The following PDE5A variants were observed in gnomAD, a reference collection of about 807,000 sequenced individuals.
PDE5A encodes cGMP-specific 3',5'-cyclic phosphodiesterase.
Under a neutral mutation model 110.2 loss-of-function variants are expected in PDE5A, and 67 were observed. The observed-to-expected ratio is 0.61, with a 90% confidence interval of 0.50 to 0.75. The LOEUF is 0.75. Ranked by LOEUF, PDE5A falls within the 30% of genes least tolerant of loss-of-function variation. The pLI is 0.00. For synonymous variants in PDE5A, 328 were observed against 351.2 expected (o/e 0.93, Z 0.74); for missense variants, 862 against 1,045.1 (o/e 0.82, Z 2.42).
In PDE5A at chr4:119,571,781, G is replaced by A. The variant is rs375445083; in HGVS notation, c.832-4637C>T. Among the ~76,000 whole-genome samples, 39 of 151,984 alleles carry A rather than the reference G, an allele frequency of 2.6e-4. No individual in the cohort carries two copies. The South Asian group carries it at 8.1e-3, about 32-fold the overall frequency. On this transcript the variant is annotated intron_variant, in intron 3 of 20. Coordinates refer to ENST00000354960, the MANE Select transcript of PDE5A (RefSeq NM_001083.4). ...CTCCTCACCTCATTTTATCTCTTCTGTTTCACTATGTAAATCCTCACTGTC... is the reference window on the plus strand; with the variant it reads ...CTCCTCACCTCATTTTATCTCTTCTATTTCACTATGTAAATCCTCACTGTC...
At chr4:119,590,143 A>G (rs1578805391) in intron 3 of PDE5A, among the ~76,000 whole-genome samples, 2 of 152,112 alleles carry the variant, frequency 1.3e-5, no homozygotes, top group South Asian at 2.1e-4. Flanking sequence ...CAAGTTCCCT[A>G]TATGTTTCAT....
intron 11 of PDE5A, among the ~76,000 whole-genome samples, chr4:119,533,621 A>G (rs931577723): frequency 6.6e-6 from 1 of 152,174 alleles, no homozygotes; most frequent in African/African-American, 2.4e-5. Context: ...ATTTTCTTTA[A>G]TAACAGCATC....
chr4:119,597,860 A>G (rs1729205317), intron 2 of PDE5A, among the ~76,000 whole-genome samples: 1 of 152,128 alleles, frequency 6.6e-6, no homozygotes, highest in Non-Finnish European at 1.5e-5. Flanking sequence ...TAATTTCAAA[A>G]GAAAAGGTAT....
chr4:119,501,933 C>A (rs545430161), intron 19 of PDE5A, among the ~76,000 whole-genome samples: 1 of 151,194 alleles, frequency 6.6e-6, no homozygotes, highest in Admixed American at 6.6e-5. Context: ...TTCACTATTA[C>A]AAACAGCACT....
At chr4:119,547,822 G>A (rs1035039133) in intron 9 of PDE5A, among the ~76,000 whole-genome samples, 3 of 151,898 alleles carry the variant, frequency 2.0e-5, no homozygotes, top group Non-Finnish European at 4.4e-5. Context: ...CTGCTTTTCA[G>A]AAACGACTGA....
chr4:119,592,456 T>TAAA lies in PDE5A; in HGVS notation c.831+4064_831+4066dup, dbSNP rs55997249. On this transcript the variant is annotated intron_variant, in intron 3 of 20. Transcript: ENST00000354960. ...CTGGGTGACAGAGCGAGACTCTGTT[T>TAAA]AAAAAAAAAAAAAAAAAAAAAAAAA... Among the ~76,000 whole-genome samples the TAAA allele has an allele frequency of 2.5e-3, 167 of 66,174 alleles. 14 individuals are homozygous for TAAA. Among genetic ancestry groups the TAAA allele is most frequent in the African/African-American group, 8.6e-3 (131 of 15,312 alleles). The allele number at this position is 66,174 out of a possible 152,430, so 43.4% of individuals were successfully genotyped here. A position where few individuals can be genotyped will look rare whatever the true frequency, so the allele number is the denominator to read the frequency against.
intron 2 of PDE5A, among the ~76,000 whole-genome samples, chr4:119,602,346 T>G (rs892739220): frequency 2.0e-5 from 3 of 152,142 alleles, no homozygotes; most frequent in African/African-American, 7.2e-5. Flanking sequence ...AACTGGAGAA[T>G]CTGGGTAAAG....
chr4:119,603,248 T>C (rs1729406022), intron 2 of PDE5A, among the ~76,000 whole-genome samples: 1 of 152,226 alleles, frequency 6.6e-6, no homozygotes, highest in African/African-American at 2.4e-5. Flanking sequence ...CCAAGCCGGC[T>C]GCAGTGGCAT....
chr4:119,618,112 C>T (rs1278257061), intron 1 of PDE5A, among the ~76,000 whole-genome samples: 1 of 152,056 alleles, frequency 6.6e-6, no homozygotes, highest in African/African-American at 2.4e-5. Context: ...TAGGCTTTAA[C>T]CCCAGAATCA....
At chr4:119,564,048 A>G (rs1482367236) in intron 5 of PDE5A, among the ~76,000 whole-genome samples, 1 of 152,140 alleles carries the variant, frequency 6.6e-6, no homozygotes, top group African/African-American at 2.4e-5. Flanking sequence ...AAATACTGTG[A>G]AATTAAGTTA....
intron 10 of PDE5A, among the ~76,000 whole-genome samples, chr4:119,539,516 T>C (rs902804864): frequency 1.3e-5 from 2 of 152,058 alleles, no homozygotes; most frequent in African/African-American, 2.4e-5. Context: ...ACAGAAAAAC[T>C]GGATGCCTGG....
intron 14 of PDE5A, among the ~76,000 whole-genome samples, chr4:119,515,319 A>G (rs577644845): frequency 3.9e-5 from 6 of 152,070 alleles, no homozygotes; most frequent in African/African-American, 1.4e-4. Flanking sequence ...CTCTATTCCC[A>G]CTGTGCCAGA....
chr4:119,504,476 T>A, intron 18 of PDE5A, 60 bp downstream of exon 18: 1 of 1,323,524 alleles, frequency 7.6e-7, no homozygotes, highest in South Asian at 1.2e-5. Flanking sequence ...AGTAGTGGGA[T>A]TGCTGGGTAG....
rs987976649 is a variant in PDE5A at position 119,495,581 on chromosome 4, C to T, written c.*3020G>A. Reference sequence around the variant, plus strand: ...TGCTGAAAATAAAGGCACTTCACTGCTAGGCAAGAATATATCTGTGACTGA... The same window carrying T: ...TGCTGAAAATAAAGGCACTTCACTGTTAGGCAAGAATATATCTGTGACTGA... On this transcript the variant is annotated 3_prime_UTR_variant, in exon 21 of 21. Transcript: ENST00000354960. The T allele has an allele frequency of 6.6e-6, 1 of 152,522 alleles. No individual in the cohort carries two copies. The highest frequency in any genetic ancestry group is 2.4e-5 in the African/African-American group (1 of 41,420). The allele number at this position is 152,522 out of a possible 1,614,324, so 9.4% of individuals were successfully genotyped here. A position where few individuals can be genotyped will look rare whatever the true frequency, so the allele number is the denominator to read the frequency against.
intron 3 of PDE5A, among the ~76,000 whole-genome samples, chr4:119,587,400 G>A (rs1483548447): frequency 2.0e-5 from 3 of 147,076 alleles, no homozygotes; most frequent in Non-Finnish European, 4.5e-5. Flanking sequence ...TTTTTGAGAC[G>A]GAGTCTCGCT....
Position 119,565,341 on chromosome 4 carries a change from G to A in PDE5A, c.973C>T (p.Leu325=), listed in dbSNP as rs759646086. Reference sequence around the variant, plus strand: ...CTGACCTGATTTCTCTTGTTCTCCAGCAGTGAAGTCTCATAGAGCTGAGCA... The same window carrying A: ...CTGACCTGATTTCTCTTGTTCTCCAACAGTGAAGTCTCATAGAGCTGAGCA... The part of the protein sequence containing the change: ...HNAQLYETSL[L]ENKRNQVLLD... Residue 325 remains leucine (L), a synonymous_variant, in exon 5 of 21, where the codon CTG becomes TTG. Coordinates refer to ENST00000354960, the MANE Select transcript of PDE5A (RefSeq NM_001083.4). 7.5e-6 allele frequency: 12 copies of A among 1,610,052 alleles called. No individual in the cohort carries two copies. Among genetic ancestry groups the A allele is most frequent in the Non-Finnish European group, 1.0e-5 (12 of 1,176,956 alleles).
chr4:119,505,197 G>A (rs1480833273), intron 17 of PDE5A, among the ~76,000 whole-genome samples: 1 of 151,850 alleles, frequency 6.6e-6, no homozygotes, highest in African/African-American at 2.4e-5. Context: ...TTTAATGCTT[G>A]TATGATTTAA....
chr4:119,533,868 C>G (rs1726632584), intron 11 of PDE5A, among the ~76,000 whole-genome samples: 2 of 151,978 alleles, frequency 1.3e-5, no homozygotes, highest in South Asian at 4.1e-4. Flanking sequence ...GATCTGATTA[C>G]CATCTTGGTT....
chr4:119,530,686 T>C (rs1364287234), intron 11 of PDE5A, among the ~76,000 whole-genome samples: 1 of 152,112 alleles, frequency 6.6e-6, no homozygotes, highest in South Asian at 2.1e-4. Flanking sequence ...CTGCATAGAA[T>C]AGGGGTTAAA....
Sources: allele counts gnomAD v4.1 joint callset (sites outside exome capture counted in the v4.1 genomes callset), GRCh38; gene constraint gnomAD v4.1.1; transcripts MANE v1.5; gene names NCBI Gene and HGNC (gene_info 2026-07-23, HGNC 2026-07-21).